DPP6: variants seen among roughly 807,000 people sequenced by gnomAD.
The protein encoded by DPP6 is A-type potassium channel modulatory protein DPP6.
In DPP6, 69 loss-of-function variants were observed where a neutral mutation model predicts 122.6. That is an observed-to-expected ratio of 0.56 (90% CI 0.46 to 0.69). DPP6 has a LOEUF of 0.69. Ranked by LOEUF, DPP6 falls within the 30% of genes least tolerant of loss-of-function variation. The pLI, the probability that DPP6 is intolerant of heterozygous loss-of-function variation, is 0.00. For synonymous variants in DPP6, 418 were observed against 433.1 expected (o/e 0.97, Z 0.43); for missense variants, 928 against 1,116.9 (o/e 0.83, Z 2.41).
intron 1 of DPP6, among the ~76,000 whole-genome samples, chr7:153,967,571 T>G (rs1212676892): frequency 6.6e-6 from 1 of 152,062 alleles, no homozygotes; most frequent in Non-Finnish European, 1.5e-5. Context: ...CTCGGGGGTG[T>G]TTCTCTGGCT....
intron 21 of DPP6, chr7:154,884,352 A>G (rs1360032155): frequency 7.1e-6 from 1 of 141,514 alleles, no homozygotes; most frequent in Non-Finnish European, 1.6e-5. Context: ...CTACTCACAC[A>G]CACATGCTCA....
At chr7:154,283,746 C>T (rs1321298701) in intron 1 of DPP6, among the ~76,000 whole-genome samples, 1 of 152,100 alleles carries the variant, frequency 6.6e-6, no homozygotes, top group Non-Finnish European at 1.5e-5. Flanking sequence ...AGACTTTACT[C>T]CAAGCAATTC....
chr7:154,104,667 G>A (rs1397674504), intron 1 of DPP6, among the ~76,000 whole-genome samples: 2 of 152,256 alleles, frequency 1.3e-5, no homozygotes, highest in African/African-American at 4.8e-5. Flanking sequence ...GTTAACCTGT[G>A]CATAACAAAC....
At chr7:154,459,564 C>T (rs1219840126) in intron 2 of DPP6, among the ~76,000 whole-genome samples, 2 of 151,810 alleles carry the variant, frequency 1.3e-5, no homozygotes, top group African/African-American at 2.4e-5. Flanking sequence ...GGCATGGTGG[C>T]TCATCCTGTA....
rs575298297 is a variant in DPP6, at chr7:154,662,871, G to A, written c.681-6489G>A. ...ATCACCATAGCGTATTGGCCATAGTGTTCATATAGTCATGGTGAATCACCA... is the reference window on the plus strand; with the variant it reads ...ATCACCATAGCGTATTGGCCATAGTATTCATATAGTCATGGTGAATCACCA... On this transcript the variant is annotated intron_variant, in intron 6 of 25. Transcript: ENST00000377770. Among the ~76,000 whole-genome samples, 17 of 48,374 alleles carry A rather than the reference G, an allele frequency of 3.5e-4. 5 individuals carry two copies. Among genetic ancestry groups the A allele is most frequent in the African/African-American group, 8.6e-4 (17 of 19,864 alleles). The allele number at this position is 48,374 out of a possible 152,430, so 31.7% of individuals were successfully genotyped here. A position where few individuals can be genotyped will look rare whatever the true frequency, so the allele number is the denominator to read the frequency against.
At chr7:153,964,996 CTTT>C (rs1795615222) in intron 1 of DPP6, among the ~76,000 whole-genome samples, 2 of 49,980 alleles carry the variant, frequency 4.0e-5, no homozygotes, top group African/African-American at 2.0e-4. Context: ...TCCTTCCTTC[CTTT>C]CTTCCTTCCT....
intron 10 of DPP6, among the ~76,000 whole-genome samples, chr7:154,782,604 C>T (rs148800753): frequency 1.2e-4 from 19 of 152,188 alleles, no homozygotes; most frequent in African/African-American, 4.3e-4. Context: ...GAGTTATTCT[C>T]ATGTGGTCGC....
chr7:153,975,555 AAAAAG>A (rs1222085371), intron 1 of DPP6, among the ~76,000 whole-genome samples: 5 of 149,236 alleles, frequency 3.4e-5, no homozygotes, highest in African/African-American at 1.3e-4. Context: ...TCTAAAAAAA[AAAAAG>A]AAAATACTGC....
intron 3 of DPP6, among the ~76,000 whole-genome samples, chr7:154,531,949 T>C (rs1259303845): frequency 6.6e-6 from 1 of 151,872 alleles, no homozygotes; most frequent in Non-Finnish European, 1.5e-5. Context: ...CTAAAGATAT[T>C]TAAACAATAA....
the DPP6 span, among the ~76,000 whole-genome samples, chr7:153,825,615 A>G: frequency 1.3e-5 from 2 of 152,092 alleles, no homozygotes; most frequent in African/African-American, 2.4e-5. Context: ...GCTGAAGTGC[A>G]GAGGCATGAT....
At chr7:154,057,811 A>G (rs1333899162) in intron 1 of DPP6, 1 of 150,546 alleles carries the variant, frequency 6.6e-6, no homozygotes, top group Admixed American at 6.6e-5. Context: ...TTTCCATTGT[A>G]TGCGTCAGAG....
the DPP6 span, among the ~76,000 whole-genome samples, chr7:153,832,659 C>T: frequency 5.3e-5 from 7 of 131,794 alleles, no homozygotes; most frequent in Non-Finnish European, 1.2e-4. Context: ...ATGCGTGACC[C>T]AGAGTGACAT....
At chr7:154,534,520 G>C (rs1370953388) in intron 3 of DPP6, among the ~76,000 whole-genome samples, 1 of 152,062 alleles carries the variant, frequency 6.6e-6, no homozygotes, top group Non-Finnish European at 1.5e-5. Flanking sequence ...GAACAAAAAA[G>C]TGCATTGAGT....
intron 8 of DPP6, among the ~76,000 whole-genome samples, chr7:154,752,996 T>C (rs1227607258): frequency 6.6e-6 from 1 of 152,064 alleles, no homozygotes; most frequent in Non-Finnish European, 1.5e-5. Context: ...CTGCTGGGGT[T>C]GTGTTTCTTG....
chr7:154,057,239 C>A lies in DPP6; in HGVS notation c.243+4176C>A, dbSNP rs370121934. Among the ~76,000 whole-genome samples the A allele has an allele frequency of 1.6e-3, 238 of 151,746 alleles. 2 individuals are homozygous for A. Among genetic ancestry groups the A allele is most frequent in the African/African-American group, 5.7e-3 (232 of 41,042 alleles). On this transcript the variant is annotated intron_variant, in intron 1 of 25. Transcript: ENST00000377770. Reference sequence around the variant, plus strand: ...AGTACAAGAAGCAAAAAAGCTGACTCTTGGGCAAAACCTGAACATAAAGGC... The same window carrying A: ...AGTACAAGAAGCAAAAAAGCTGACTATTGGGCAAAACCTGAACATAAAGGC...
chr7:153,862,675 C>T, the DPP6 span, among the ~76,000 whole-genome samples: 5 of 152,178 alleles, frequency 3.3e-5, no homozygotes, highest in South Asian at 8.3e-4. Context: ...TGTGTTTGTG[C>T]TTGCCAAGAA....
At chr7:153,792,161 C>T in the DPP6 span, among the ~76,000 whole-genome samples, 1 of 152,236 alleles carries the variant, frequency 6.6e-6, no homozygotes, top group Non-Finnish European at 1.5e-5. Context: ...GCTTCTTTCA[C>T]ACTACAGTAA....
At chr7:154,719,862 T>C (rs1841703297) in intron 7 of DPP6, among the ~76,000 whole-genome samples, 2 of 152,130 alleles carry the variant, frequency 1.3e-5, no homozygotes, top group African/African-American at 4.8e-5. Flanking sequence ...TGTGCTTGAG[T>C]GGACATTGCT....
intron 7 of DPP6, among the ~76,000 whole-genome samples, chr7:154,700,141 G>A (rs1369702027): frequency 6.6e-6 from 1 of 152,224 alleles, no homozygotes; most frequent in Non-Finnish European, 1.5e-5. Context: ...AAATAAATAT[G>A]TGCAACACAT....
Sources: allele counts gnomAD v4.1 joint callset (sites outside exome capture counted in the v4.1 genomes callset), GRCh38; gene constraint gnomAD v4.1.1; transcripts MANE v1.5; gene names NCBI Gene and HGNC (gene_info 2026-07-23, HGNC 2026-07-21).